The following EZH2 variants were observed in gnomAD, a reference collection of about 807,000 sequenced individuals.
The protein encoded by EZH2 is histone-lysine N-methyltransferase EZH2.
EZH2 carries 18 observed loss-of-function variants against 98.4 expected under a neutral mutation model. The ratio of observed to expected loss-of-function variants is 0.18; its 90% CI spans 0.13 to 0.27. The LOEUF is 0.27. EZH2 is among the 10% of genes least tolerant of loss of function. The probability of loss-of-function intolerance (pLI) is 1.00; values close to 1 mark genes in which losing one functional copy is unlikely to be tolerated. For synonymous variants in EZH2, 338 were observed against 312.3 expected (o/e 1.08, Z -0.87); for missense variants, 470 against 935.1 (o/e 0.50, Z 6.49).
intron 1 of EZH2, among the ~76,000 whole-genome samples, chr7:148,864,700 G>C (rs1378405887): frequency 7.3e-6 from 1 of 137,404 alleles, no homozygotes; most frequent in African/African-American, 2.9e-5. Context: ...AAAAAAAAAA[G>C]GAAAAAAAGA....
intron 12 of EZH2, 144 bp from the exon 13 acceptor site, chr7:148,815,690 C>A: frequency 1.4e-6 from 1 of 738,352 alleles, no homozygotes. Flanking sequence ...TTATATTTGC[C>A]ATCAGTTTGA....
intron 1 of EZH2, among the ~76,000 whole-genome samples, chr7:148,859,308 C>G (rs374398015): frequency 9.9e-5 from 15 of 152,110 alleles, no homozygotes; most frequent in African/African-American, 3.4e-4. Context: ...GAGTTCAAGA[C>G]CAGCCTGGCC....
chr7:148,836,710 T>A, intron 3 of EZH2: 1 of 373,902 alleles, frequency 2.7e-6, no homozygotes, highest in South Asian at 2.2e-5. Flanking sequence ...ATCAATGGTT[T>A]AAAAAAAAAG....
intron 3 of EZH2, among the ~76,000 whole-genome samples, chr7:148,842,923 G>T (rs1344811041): frequency 6.6e-6 from 1 of 151,698 alleles, no homozygotes; most frequent in East Asian, 1.9e-4. Flanking sequence ...AAAAAAATTA[G>T]CCCGATGTGC....
At chr7:148,823,209 C>A (rs1346154708) in intron 8 of EZH2, among the ~76,000 whole-genome samples, 1 of 152,164 alleles carries the variant, frequency 6.6e-6, no homozygotes, top group Non-Finnish European at 1.5e-5. Flanking sequence ...AGTGCTGCAT[C>A]CCCATATGGC....
chr7:148,832,484 T>C (rs766560443), intron 4 of EZH2, 150 bp downstream of exon 4: 3 of 523,438 alleles, frequency 5.7e-6, no homozygotes, highest in Non-Finnish European at 1.0e-5. Context: ...AAAACTACCT[T>C]AATCAATTTT....
rs574190892 is a variant in EZH2, at chr7:148,812,282, G to A, written c.1852-562C>T. 5.9e-5 allele frequency among the ~76,000 whole-genome samples: 9 copies of A among 152,266 alleles called. No homozygotes were observed. The South Asian group carries it at 1.9e-3, about 32-fold the overall frequency. On this transcript the variant is annotated intron_variant, in intron 15 of 19. Coordinates refer to ENST00000320356, the MANE Select transcript of EZH2 (RefSeq NM_004456.5). The stretch of plus-strand genomic sequence containing the variant: ...CCTCAGGATAACACAAGAAACTACC[G>A]GGAGGTGTTATCATGATCTTGTCAG...
intron 1 of EZH2, among the ~76,000 whole-genome samples, chr7:148,878,305 C>T (rs1235413434): frequency 6.6e-6 from 1 of 152,200 alleles, no homozygotes; most frequent in Non-Finnish European, 1.5e-5. Context: ...CTCTATTCTA[C>T]TTTCTGTCTC....
chr7:148,814,155 G>A lies in EZH2; in HGVS notation c.1673-18C>T, dbSNP rs780934973. 1 of 1,611,082 alleles carries A rather than the reference G, an allele frequency of 6.2e-7. No individual in the cohort carries two copies. Among genetic ancestry groups the A allele is most frequent in the Non-Finnish European group, 8.5e-7 (1 of 1,178,548 alleles). The stretch of plus-strand genomic sequence containing the variant: ...GTTTTGACCTTCAGAGAGAGGTTTG[G>A]AGGTTCTTCACTCATCACCGTATGC... On this transcript the variant is annotated intron_variant, in intron 14 of 19. Transcript: ENST00000320356.
chr7:148,852,453 G>T (rs1364315278), intron 1 of EZH2, among the ~76,000 whole-genome samples: 1 of 152,174 alleles, frequency 6.6e-6, no homozygotes, highest in Non-Finnish European at 1.5e-5. Flanking sequence ...GACTCAAGCT[G>T]CTTGTGACCC....
chr7:148,861,809 A>AAG (rs1324947915), intron 1 of EZH2, among the ~76,000 whole-genome samples: 1 of 151,718 alleles, frequency 6.6e-6, no homozygotes, highest in Non-Finnish European at 1.5e-5. Flanking sequence ...TATTTAAAAA[A>AAG]AAAAAAAAAA....
intron 13 of EZH2, 47 bp downstream of exon 13, chr7:148,815,459 A>G (rs1804295612): frequency 1.3e-6 from 2 of 1,558,300 alleles, no homozygotes; most frequent in Non-Finnish European, 1.8e-6. Flanking sequence ...ATGAAAACAA[A>G]GCAGATATTG....
intron 1 of EZH2, among the ~76,000 whole-genome samples, chr7:148,883,771 C>A: frequency 6.6e-6 from 1 of 152,042 alleles, no homozygotes; most frequent in Non-Finnish European, 1.5e-5. Context: ...GCGCTCCCGC[C>A]GCGGCCGCGC....
chr7:148,872,193 G>T (rs1046605398), intron 1 of EZH2, among the ~76,000 whole-genome samples: 1 of 152,150 alleles, frequency 6.6e-6, no homozygotes, highest in Non-Finnish European at 1.5e-5. Context: ...CAACATGGAA[G>T]AACCTCAATG....
At chr7:148,843,291 T>C (rs1345449522) in intron 3 of EZH2, among the ~76,000 whole-genome samples, 1 of 151,080 alleles carries the variant, frequency 6.6e-6, no homozygotes, top group Non-Finnish European at 1.5e-5. Flanking sequence ...GGTGAGAGGA[T>C]CGCCTGAGCC....
chr7:148,879,261 A>T (rs1820612901), intron 1 of EZH2, among the ~76,000 whole-genome samples: 1 of 148,340 alleles, frequency 6.7e-6, no homozygotes, highest in African/African-American at 2.6e-5. Flanking sequence ...CAAAAACAAA[A>T]ACAACACAGC....
chr7:148,809,045 T>C (rs1802337350), intron 19 of EZH2, 26 bp downstream of exon 19: 2 of 1,592,276 alleles, frequency 1.3e-6, no homozygotes, highest in African/African-American at 2.7e-5. Context: ...CCCTTAGAGA[T>C]CATGCTAGAA....
At chr7:148,843,098 C>T (rs1308895252) in intron 3 of EZH2, among the ~76,000 whole-genome samples, 2 of 151,560 alleles carry the variant, frequency 1.3e-5, no homozygotes, top group African/African-American at 4.9e-5. Flanking sequence ...ATCCCAGCTA[C>T]TCAGGAGGCT....
At chr7:148,823,000 A>AC (rs1050789484) in intron 8 of EZH2, among the ~76,000 whole-genome samples, 1 of 152,188 alleles carries the variant, frequency 6.6e-6, no homozygotes, top group Non-Finnish European at 1.5e-5. Context: ...GGAAGATCCT[A>AC]CCCTCATTCA....
Sources: allele counts gnomAD v4.1 joint callset (sites outside exome capture counted in the v4.1 genomes callset), GRCh38; gene constraint gnomAD v4.1.1; transcripts MANE v1.5; gene names NCBI Gene and HGNC (gene_info 2026-07-23, HGNC 2026-07-21).